The following PSD2 variants were observed in gnomAD, a reference collection of about 807,000 sequenced individuals.
PSD2 encodes the protein PH and SEC7 domain-containing protein 2.
In PSD2, 38 loss-of-function variants were observed where a neutral mutation model predicts 69.8. That is an observed-to-expected ratio of 0.54 (90% CI 0.42 to 0.71). PSD2 has a LOEUF of 0.71. Among genes scored for constraint, PSD2 ranks in the 30% least tolerant of loss-of-function variants. The pLI is 0.00. For missense variants in PSD2, 943 were observed against 1,014.5 expected, an observed-to-expected ratio of 0.93 and a Z score of 0.96; for synonymous variants, 412 against 423.0, an observed-to-expected ratio of 0.97 and a Z score of 0.32.
rs1304065640 is a variant in PSD2 at position 139,838,616 on chromosome 5, T to A, written c.1824-12T>A. On this transcript the variant is annotated splice_polypyrimidine_tract_variant and intron_variant, in intron 12 of 14. Transcript: ENST00000274710. ...GTGAGAGGCCGGCACCCTCTCCCCC[T>A]CCTGTCCCCAGGAGCAAGGAAGAAA... 1.9e-6 allele frequency: 3 copies of A among 1,608,908 alleles called. No individual in the cohort carries two copies. The highest frequency in any genetic ancestry group is 2.7e-5 in the African/African-American group (2 of 74,900).
the PSD2 span, among the ~76,000 whole-genome samples, chr5:139,766,871 CTTT>C: frequency 6.7e-6 from 1 of 150,244 alleles, no homozygotes; most frequent in African/African-American, 2.4e-5. Context: ...TTCTTTCTTT[CTTT>C]CTTTCTTTCT....
rs1422468299 is a variant in PSD2 at position 139,843,550 on chromosome 5, C to T, written c.*1076C>T. The T allele has an allele frequency of 6.6e-6, 1 of 152,208 alleles. No individual in the cohort carries two copies. The highest frequency in any genetic ancestry group is 1.5e-5 in the Non-Finnish European group (1 of 68,044). 9.4% of individuals were successfully genotyped at this position (152,208 alleles called of 1,614,324 possible). A position where few individuals can be genotyped will look rare whatever the true frequency, so the allele number is the denominator to read the frequency against. On this transcript the variant is annotated 3_prime_UTR_variant, in exon 15 of 15. Coordinates refer to ENST00000274710, the MANE Select transcript of PSD2 (RefSeq NM_032289.4). ...TATAGGAATAAAAGACACTCTGTCT[C>T]GCAAATGGCTGCTTGTCAACAAGCC...
chr5:139,780,498 C>T, the PSD2 span, among the ~76,000 whole-genome samples: 1 of 152,218 alleles, frequency 6.6e-6, no homozygotes, highest in Non-Finnish European at 1.5e-5. Flanking sequence ...GGCTGGAGTG[C>T]AGTGGCGTGA....
chr5:139,797,763 GTTCA>G (rs1435274440), intron 1 of PSD2, among the ~76,000 whole-genome samples: 1 of 152,204 alleles, frequency 6.6e-6, no homozygotes, highest in Admixed American at 6.5e-5. Context: ...AGAGCTGTTT[GTTCA>G]AAGTCTCCTG....
At chr5:139,747,495 G>A in the PSD2 span, among the ~76,000 whole-genome samples, 2 of 152,358 alleles carry the variant, frequency 1.3e-5, no homozygotes, top group Non-Finnish European at 2.9e-5. The surrounding 1 kb of genome is among the most constrained non-coding windows in gnomAD (Gnocchi z 6.7). Context: ...GCTCGTCTCT[G>A]GGGAGATCTG....
chr5:139,754,236 C>G, the PSD2 span, among the ~76,000 whole-genome samples: 4 of 152,150 alleles, frequency 2.6e-5, no homozygotes, highest in African/African-American at 9.7e-5. Flanking sequence ...GGGAGGCCAG[C>G]CTGGGCAACA....
chr5:139,747,266 G>GCA, the PSD2 span, among the ~76,000 whole-genome samples: 7 of 151,168 alleles, frequency 4.6e-5, no homozygotes, highest in South Asian at 2.1e-4. The surrounding 1 kb of genome is among the most constrained non-coding windows in gnomAD (Gnocchi z 6.7). Context: ...CCAACCCCCC[G>GCA]CACACACACA....
chr5:139,763,665 C>T, the PSD2 span, among the ~76,000 whole-genome samples: 1 of 152,240 alleles, frequency 6.6e-6, no homozygotes, highest in Non-Finnish European at 1.5e-5. Context: ...GGAATGGAGG[C>T]CAGTCCCCTC....
At chr5:139,757,575 G>T in the PSD2 span, among the ~76,000 whole-genome samples, 1 of 152,198 alleles carries the variant, frequency 6.6e-6, no homozygotes, top group Admixed American at 6.5e-5. Flanking sequence ...ATTTGGGAAA[G>T]AGTTGTTCCC....
the PSD2 span, among the ~76,000 whole-genome samples, chr5:139,766,909 C>T: frequency 1.8e-4 from 7 of 38,718 alleles, no homozygotes; most frequent in African/African-American, 1.8e-4. Flanking sequence ...CTTTCCCTCC[C>T]TTCCTTCCTT....
At chr5:139,824,351 CAT>C (rs1404747770) in intron 7 of PSD2, among the ~76,000 whole-genome samples, 2 of 150,532 alleles carry the variant, frequency 1.3e-5, no homozygotes, top group East Asian at 3.9e-4. Flanking sequence ...GATGAGTGTT[CAT>C]GTTTGCAGCA....
chr5:139,813,840 C>A, intron 3 of PSD2, 82 bp downstream of exon 3: 1 of 1,240,040 alleles, frequency 8.1e-7, no homozygotes. Context: ...GTTAGGGTGA[C>A]TCAGTGTCCA....
At chr5:139,840,822 G>A (rs913141018) in intron 14 of PSD2, among the ~76,000 whole-genome samples, 1 of 152,116 alleles carries the variant, frequency 6.6e-6, no homozygotes, top group African/African-American at 2.4e-5. Flanking sequence ...AAAGTGCTGG[G>A]ATTACAGGTG....
chr5:139,776,886 T>C, the PSD2 span, among the ~76,000 whole-genome samples: 1 of 152,148 alleles, frequency 6.6e-6, no homozygotes, highest in Admixed American at 6.6e-5. Flanking sequence ...CTCCCGACAA[T>C]GGGCTGCCCA....
chr5:139,836,243 G>A (rs1266138883), intron 9 of PSD2, among the ~76,000 whole-genome samples: 1 of 152,238 alleles, frequency 6.6e-6, no homozygotes, highest in Non-Finnish European at 1.5e-5. Flanking sequence ...AAAGAGGGGT[G>A]TTGACCTTGC....
chr5:139,792,578 G>A (rs1581702144), upstream of PSD2, among the ~76,000 whole-genome samples: 1 of 152,078 alleles, frequency 6.6e-6, no homozygotes, highest in East Asian at 1.9e-4. Flanking sequence ...GGCGGGGTGG[G>A]GGAGGAAAGG....
intron 1 of PSD2, among the ~76,000 whole-genome samples, chr5:139,798,745 C>A (rs1171190662): frequency 6.6e-6 from 1 of 152,152 alleles, no homozygotes. Context: ...CATGAATTTC[C>A]TGAGACAGGG....
At chr5:139,766,921 CTTCCTTCCCTTCTTT>C in the PSD2 span, among the ~76,000 whole-genome samples, 37 of 31,428 alleles carry the variant, frequency 1.2e-3, 1 homozygote, top group African/African-American at 2.0e-3. Context: ...TCCTTCCTTC[CTTCCTTCCCTTCTTT>C]CTTTCTTTCT....
At chr5:139,828,687 T>C (rs1306858014) in intron 7 of PSD2, among the ~76,000 whole-genome samples, 2 of 152,186 alleles carry the variant, frequency 1.3e-5, no homozygotes, top group African/African-American at 2.4e-5. Context: ...GAAATGACCC[T>C]TAAAGACAGG....
Sources: allele counts gnomAD v4.1 joint callset (sites outside exome capture counted in the v4.1 genomes callset), GRCh38; gene constraint gnomAD v4.1.1; non-coding constraint Gnocchi (gnomAD v3.1); transcripts MANE v1.5; gene names NCBI Gene and HGNC (gene_info 2026-07-23, HGNC 2026-07-21).